The following ATG4B variants were observed in gnomAD, a reference collection of about 807,000 sequenced individuals.
ATG4B encodes cysteine protease ATG4B.
In ATG4B, 29 loss-of-function variants were observed where a neutral mutation model predicts 56.6. That is an observed-to-expected ratio of 0.51 (90% confidence interval 0.38 to 0.70). The LOEUF (loss-of-function observed/expected upper bound fraction) is 0.70. Among genes scored for constraint, ATG4B ranks in the 30% least tolerant of loss-of-function variants. ATG4B has a pLI of 0.00. For missense variants in ATG4B, 461 were observed against 515.5 expected, an observed-to-expected ratio of 0.89 and a Z score of 1.02; for synonymous variants, 224 against 206.1, an observed-to-expected ratio of 1.09 and a Z score of -0.74.
intron 6 of ATG4B, 144 bp downstream of exon 6, chr2:241,655,487 A>G (rs866943960): frequency 2.2e-5 from 18 of 800,374 alleles, no homozygotes; most frequent in Middle Eastern, 5.4e-4. Context: ...CTCAGCGATG[A>G]CTGTGTTGAG....
At position 241,664,011 on chromosome 2, in the gene ATG4B, TATTTCACC is replaced by T. The variant is rs1462269135; in HGVS notation, c.539-2631_539-2624del. Among the ~76,000 whole-genome samples the T allele has an allele frequency of 2.0e-5, 3 of 152,178 alleles. No individual in the cohort carries two copies. The East Asian group carries it at 5.8e-4, about 29-fold the overall frequency. On this transcript the variant is annotated intron_variant, in intron 7 of 12. Transcript: ENST00000404914. The stretch of plus-strand genomic sequence containing the variant: ...TTTTAGTGGAGATGGGGTTTCACCA[TATTTCACC>T]ATGTTGGCCAGGATGGTCTTGATCT...
chr2:241,651,044 G>A lies in ATG4B; in HGVS notation c.45G>A (p.Glu15=). The change falls in exon 2 of 13, where the codon GAG becomes GAA. Residue 15 remains glutamate, a synonymous_variant. Coordinates refer to ENST00000404914, the MANE Select transcript of ATG4B (RefSeq NM_013325.5). This position sits in a 1 kb window ranked among gnomAD's most constrained non-coding sequence, Gnocchi z 4.1. ...CCTACGACACTCTCCGGTTTGCTGA[G>A]TTTGAAGATTTTCCTGAGACCTCAG... ...TLTYDTLRFA[E]FEDFPETSEP... is the part of the protein sequence containing the mutation. The A allele has an allele frequency of 4.3e-6, 7 of 1,613,996 alleles. No homozygotes were observed. The highest frequency in any genetic ancestry group is 5.1e-6 in the Non-Finnish European group (6 of 1,179,890).
intron 7 of ATG4B, 166 bp from the exon 8 acceptor site, chr2:241,666,479 A>G: frequency 7.0e-6 from 5 of 715,448 alleles, no homozygotes; most frequent in Non-Finnish European, 1.2e-5. Flanking sequence ...CAAGATTATG[A>G]AAAAATTTTC....
chr2:241,658,018 T>C (rs1057247977), intron 6 of ATG4B, among the ~76,000 whole-genome samples: 1 of 152,128 alleles, frequency 6.6e-6, no homozygotes, highest in Non-Finnish European at 1.5e-5. Flanking sequence ...CAGGTACCCT[T>C]TGGCACCAAG....
Position 241,651,190 on chromosome 2 carries a change from C to T in ATG4B, c.113-74C>T. 1.3e-6 allele frequency: 2 copies of T among 1,556,556 alleles called. No homozygotes were observed. The highest frequency in any genetic ancestry group is 8.8e-7 in the Non-Finnish European group (1 of 1,142,744). ...TTTTGTGATCACTGTTCTCTGCTAA[C>T]TCTGCCATAACTTGTGACTTGCAAA... On this transcript the variant is annotated intron_variant, in intron 2 of 12. Coordinates refer to ENST00000404914, the MANE Select transcript of ATG4B (RefSeq NM_013325.5). The surrounding 1 kb of genome is among the most constrained non-coding windows in gnomAD (Gnocchi z 4.1).
At chr2:241,662,179 A>G (rs1177823750) in intron 7 of ATG4B, among the ~76,000 whole-genome samples, 3 of 152,220 alleles carry the variant, frequency 2.0e-5, no homozygotes, top group Admixed American at 6.5e-5. Flanking sequence ...TTTTTTTATC[A>G]GAAGTACTTA....
rs546053150 is a variant in ATG4B, at chr2:241,655,835, G to T, written c.458+492G>T. Among the ~76,000 whole-genome samples, 15 of 152,278 alleles carry T rather than the reference G, an allele frequency of 9.9e-5. No individual in the cohort carries two copies. In the South Asian group the frequency reaches 3.1e-3, roughly 32 times the overall value. On this transcript the variant is annotated intron_variant, in intron 6 of 12. Coordinates refer to ENST00000404914, the MANE Select transcript of ATG4B (RefSeq NM_013325.5). ...ACCGCTTCCTTTCGCACCTCACTCA[G>T]CCCCATTGCGTGCCCGCCCCCCAGA... is the stretch of plus-strand genomic sequence containing the variant.
chr2:241,653,257 A>G (rs760210872), intron 3 of ATG4B: 1 of 1,341,602 alleles, frequency 7.5e-7, no homozygotes, highest in South Asian at 1.3e-5. Context: ...TTTGTCAGAC[A>G]TTCCTTTTGC....
chr2:241,643,943 G>A lies in ATG4B; in HGVS notation c.10+6219G>A, dbSNP rs74976999. ...CCTTATAAATCACATGATGTGGCAC[G>A]GGAAGATGATGAAATTATGACAGGG... On this transcript the variant is annotated intron_variant, in intron 1 of 12. Coordinates refer to ENST00000404914, the MANE Select transcript of ATG4B (RefSeq NM_013325.5). 1.3e-4 allele frequency among the ~76,000 whole-genome samples: 20 copies of A among 152,314 alleles called. No individual in the cohort carries two copies. The East Asian group carries it at 3.5e-3, about 26-fold the overall frequency.
rs537199589 is a variant in ATG4B at position 241,673,428 on chromosome 2, T to C, written c.*1164T>C. The C allele has an allele frequency of 6.7e-4, 256 of 383,754 alleles. 1 individual carries two copies. The highest frequency in any genetic ancestry group is 4.8e-3 in the African/African-American group (231 of 48,260). 23.8% of individuals were successfully genotyped at this position (383,754 alleles called of 1,614,324 possible). A position where few individuals can be genotyped will look rare whatever the true frequency, so the allele number is the denominator to read the frequency against. ...TTGGGGAGCGTGGGCACTTTTCTCATGAGCAGCTACTGCGGCGTTGGCAGG... is the reference window on the plus strand; with the variant it reads ...TTGGGGAGCGTGGGCACTTTTCTCACGAGCAGCTACTGCGGCGTTGGCAGG... On this transcript the variant is annotated 3_prime_UTR_variant, in exon 13 of 13. Transcript: ENST00000404914.
chr2:241,653,285 C>G, intron 3 of ATG4B: 1 of 1,498,484 alleles, frequency 6.7e-7, no homozygotes, highest in East Asian at 2.5e-5. Context: ...CTGACTTGTT[C>G]ATGTGTTTTG....
At chr2:241,660,249 G>C (rs937992004) in intron 7 of ATG4B, among the ~76,000 whole-genome samples, 1 of 152,234 alleles carries the variant, frequency 6.6e-6, no homozygotes, top group African/African-American at 2.4e-5. Context: ...CAGATTCACA[G>C]TGGGAGTGGG....
At chr2:241,657,155 T>G (rs894755607) in intron 6 of ATG4B, among the ~76,000 whole-genome samples, 3 of 150,804 alleles carry the variant, frequency 2.0e-5, no homozygotes, top group African/African-American at 7.3e-5. Flanking sequence ...TTTTCAATTT[T>G]TAGTAGAGAT....
Position 241,651,024 on chromosome 2 carries a change from G to C in ATG4B, c.25G>C (p.Asp9His). The change falls in exon 2 of 13, where the codon GAC becomes CAC. Residue 9 changes from aspartate (D) to histidine (H), a missense_variant. Asp to His is a moderately conservative substitution (Grantham distance 81). Coordinates refer to ENST00000404914, the MANE Select transcript of ATG4B (RefSeq NM_013325.5). This position sits in a 1 kb window ranked among gnomAD's most constrained non-coding sequence, Gnocchi z 4.1. ...GGTTTCAACAGCTACTCTGACCTAC[G>C]ACACTCTCCGGTTTGCTGAGTTTGA... MDAATLTY[D>H]TLRFAEFEDF... 6.2e-7 allele frequency: 1 copy of C among 1,613,770 alleles called. No homozygotes were observed. The highest frequency in any genetic ancestry group is 1.3e-5 in the African/African-American group (1 of 75,036).
At chr2:241,654,508 T>C (rs1397517406) in intron 4 of ATG4B, 38 bp from the exon 5 acceptor site, 1 of 1,448,470 alleles carries the variant, frequency 6.9e-7, no homozygotes, top group Non-Finnish European at 9.5e-7. Flanking sequence ...GTTTCTCATA[T>C]TTATGGTAGA....
chr2:241,640,863 A>G (rs1288222683), intron 1 of ATG4B, among the ~76,000 whole-genome samples: 1 of 152,190 alleles, frequency 6.6e-6, no homozygotes, highest in African/African-American at 2.4e-5. Flanking sequence ...TTGCCAGCTC[A>G]TAGTGAGGAC....
chr2:241,640,136 A>C (rs2067840870), intron 1 of ATG4B, among the ~76,000 whole-genome samples: 1 of 152,358 alleles, frequency 6.6e-6, no homozygotes, highest in African/African-American at 2.4e-5. Flanking sequence ...CATCATGTTC[A>C]AGTTGGGAGA....
intron 1 of ATG4B, among the ~76,000 whole-genome samples, chr2:241,644,854 C>A (rs955317959): frequency 6.6e-6 from 1 of 151,414 alleles, no homozygotes; most frequent in East Asian, 1.9e-4. Flanking sequence ...GAGGCTGAGG[C>A]AGGAGAATCG....
At chr2:241,653,448 A>C (rs2068282222) in intron 3 of ATG4B, 64 bp from the exon 4 acceptor site, 1 of 1,551,378 alleles carries the variant, frequency 6.4e-7, no homozygotes. Context: ...GCCTCCTGCC[A>C]GTGGGCTTGT....
Sources: allele counts gnomAD v4.1 joint callset (sites outside exome capture counted in the v4.1 genomes callset), GRCh38; gene constraint gnomAD v4.1.1; non-coding constraint Gnocchi (gnomAD v3.1); transcripts MANE v1.5; gene names NCBI Gene and HGNC (gene_info 2026-07-23, HGNC 2026-07-21).